SSBP2: variants seen among roughly 807,000 people sequenced by gnomAD.
SSBP2 encodes the protein single stranded DNA binding protein 2, also known as single-stranded DNA-binding protein 2.
Under a neutral mutation model 61.8 loss-of-function variants are expected in SSBP2, and 17 were observed. That is an observed-to-expected ratio of 0.28 (90% CI 0.19 to 0.41). The LOEUF (loss-of-function observed/expected upper bound fraction) is 0.41. Ranked by LOEUF, SSBP2 falls within the 10% of genes least tolerant of loss-of-function variation. The pLI, the probability that SSBP2 is intolerant of heterozygous loss-of-function variation, is 1.00. For synonymous variants in SSBP2, 139 were observed against 141.3 expected, an observed-to-expected ratio of 0.98 and a Z score of 0.12; for missense variants, 310 against 458.7, an observed-to-expected ratio of 0.68 and a Z score of 2.96.
chr5:81,595,968 C>G (rs1220408077), intron 4 of SSBP2, among the ~76,000 whole-genome samples: 1 of 152,158 alleles, frequency 6.6e-6, no homozygotes, highest in African/African-American at 2.4e-5. Flanking sequence ...CCCTCTCTCA[C>G]CACTCCTATT....
intron 4 of SSBP2, among the ~76,000 whole-genome samples, chr5:81,570,038 T>C (rs2153441927): frequency 6.6e-6 from 1 of 152,302 alleles, no homozygotes. Flanking sequence ...ATCCCATGAA[T>C]GGATAATAAA....
chr5:81,587,415 C>G lies in SSBP2; in HGVS notation c.282+28058G>C, dbSNP rs184199475. Among the ~76,000 whole-genome samples the G allele has an allele frequency of 2.4e-3, 361 of 152,200 alleles. 2 individuals are homozygous for G. Among genetic ancestry groups the G allele is most frequent in the Non-Finnish European group, 3.9e-3 (263 of 68,000 alleles). The stretch of plus-strand genomic sequence containing the variant: ...TTAGAAAAGAAGTTAAATAGGGTAT[C>G]AGTGTGTACACGTGGGGAAAAAACT... On this transcript the variant is annotated intron_variant, in intron 4 of 16. Transcript: ENST00000320672.
At chr5:81,730,968 AGT>A (rs1382422160) in intron 1 of SSBP2, among the ~76,000 whole-genome samples, 2 of 152,230 alleles carry the variant, frequency 1.3e-5, no homozygotes, top group Admixed American at 6.5e-5. Context: ...ACCATTTTTA[AGT>A]GCACAGTTCA....
intron 5 of SSBP2, among the ~76,000 whole-genome samples, chr5:81,508,111 G>C (rs1425644357): frequency 6.6e-6 from 1 of 152,082 alleles, no homozygotes; most frequent in East Asian, 1.9e-4. Context: ...CTTTGAATAA[G>C]ACAGAGATAT....
rs187200513 is a variant in SSBP2, at chr5:81,499,361, G to A, written c.373-10052C>T. Reference sequence around the variant, plus strand: ...TTTAGTCTAAGCATCAATATTGGCCGCTGATATTATGAGCTTTTTCAAGAA... The same window carrying A: ...TTTAGTCTAAGCATCAATATTGGCCACTGATATTATGAGCTTTTTCAAGAA... On this transcript the variant is annotated intron_variant, in intron 5 of 16. Coordinates refer to ENST00000320672, the MANE Select transcript of SSBP2 (RefSeq NM_012446.5). Among the ~76,000 whole-genome samples, 4 of 152,104 alleles carry A rather than the reference G, an allele frequency of 2.6e-5. No homozygotes were observed. In the South Asian group the frequency reaches 8.3e-4, roughly 32 times the overall value.
intron 4 of SSBP2, among the ~76,000 whole-genome samples, chr5:81,582,781 A>G (rs1774758330): frequency 6.6e-6 from 1 of 152,086 alleles, no homozygotes; most frequent in Admixed American, 6.5e-5. Flanking sequence ...TTTAGTAGAG[A>G]TGGGCTTTCG....
chr5:81,663,060 A>C lies in SSBP2; in HGVS notation c.63-12721T>G, dbSNP rs139248458. ...AAGGAGTAAAGATCTTACTTTACTC[A>C]ATTCTTTCTATGGTCTAGTTATCTA... On this transcript the variant is annotated intron_variant, in intron 1 of 16. Transcript: ENST00000320672. 6.7e-4 allele frequency among the ~76,000 whole-genome samples: 102 copies of C among 152,328 alleles called. 2 individuals are homozygous for C. The East Asian group carries it at 0.017, about 26-fold the overall frequency.
At chr5:81,701,140 C>T (rs1753955607) in intron 1 of SSBP2, among the ~76,000 whole-genome samples, 2 of 152,158 alleles carry the variant, frequency 1.3e-5, no homozygotes, top group South Asian at 4.1e-4. Flanking sequence ...ATGATTCTTC[C>T]TTTCACTTGA....
Position 81,417,569 on chromosome 5 carries a change from G to A in SSBP2, c.*2935C>T, listed in dbSNP as rs1188222530. ...AGGTAGTATACATCAAGACCAACAC[G>A]AATGCATTGATAAAGATGGAAAACA... On this transcript the variant is annotated 3_prime_UTR_variant, in exon 17 of 17. Transcript: ENST00000320672. 4 of 152,050 alleles carry A rather than the reference G, an allele frequency of 2.6e-5. No homozygotes were observed. The highest frequency in any genetic ancestry group is 1.3e-4 in the Admixed American group (2 of 15,254). The allele number at this position is 152,050 out of a possible 1,614,324, so 9.4% of individuals were successfully genotyped here.
chr5:81,705,122 T>C (rs1362037021), intron 1 of SSBP2, among the ~76,000 whole-genome samples: 2 of 152,142 alleles, frequency 1.3e-5, no homozygotes, highest in Non-Finnish European at 2.9e-5. Flanking sequence ...ATATATTATT[T>C]ACTCATCCAC....
At chr5:81,473,106 CA>C (rs1408347321) in intron 8 of SSBP2, among the ~76,000 whole-genome samples, 4 of 152,188 alleles carry the variant, frequency 2.6e-5, no homozygotes, top group African/African-American at 9.7e-5. Context: ...ATGAGTCTAA[CA>C]ACTATGTTAC....
intron 3 of SSBP2, among the ~76,000 whole-genome samples, chr5:81,617,815 A>C (rs1308929161): frequency 9.3e-6 from 1 of 107,342 alleles, no homozygotes; most frequent in African/African-American, 3.5e-5. Context: ...CTTAAAGAAA[A>C]GAATTTTCAA....
At chr5:81,537,083 T>C (rs943680733) in intron 4 of SSBP2, among the ~76,000 whole-genome samples, 1 of 152,140 alleles carries the variant, frequency 6.6e-6, no homozygotes, top group Non-Finnish European at 1.5e-5. Flanking sequence ...TTTGAAACAT[T>C]TAAAAATTTC....
chr5:81,432,436 T>C (rs1248080966), intron 15 of SSBP2, among the ~76,000 whole-genome samples: 1 of 152,170 alleles, frequency 6.6e-6, no homozygotes, highest in Admixed American at 6.5e-5. Flanking sequence ...AGAATTTCCT[T>C]AGCTGCTTTT....
chr5:81,542,168 T>C (rs1317748679), intron 4 of SSBP2, among the ~76,000 whole-genome samples: 1 of 152,126 alleles, frequency 6.6e-6, no homozygotes, highest in Non-Finnish European at 1.5e-5. Context: ...GAAAAAATGC[T>C]CCGCATCACT....
chr5:81,667,453 G>A (rs1224476755), intron 1 of SSBP2, among the ~76,000 whole-genome samples: 3 of 152,096 alleles, frequency 2.0e-5, no homozygotes, highest in Admixed American at 1.3e-4. Context: ...AGAGCATTCA[G>A]TAGAGACCAG....
intron 4 of SSBP2, among the ~76,000 whole-genome samples, chr5:81,543,874 TAG>T (rs1213844665): frequency 6.6e-6 from 1 of 152,216 alleles, no homozygotes; most frequent in African/African-American, 2.4e-5. Context: ...TAAGTATATC[TAG>T]AGTTTTCCAA....
chr5:81,689,789 AC>A (rs1753074317), intron 1 of SSBP2, among the ~76,000 whole-genome samples: 1 of 152,264 alleles, frequency 6.6e-6, no homozygotes, highest in East Asian at 1.9e-4. Flanking sequence ...TGGTAAGTAC[AC>A]AGAAAAACAT....
chr5:81,738,050 T>C (rs1352149364), intron 1 of SSBP2, among the ~76,000 whole-genome samples: 1 of 152,168 alleles, frequency 6.6e-6, no homozygotes, highest in Non-Finnish European at 1.5e-5. Flanking sequence ...CCAAGAAGAA[T>C]GGCTTTATCC....
Sources: allele counts gnomAD v4.1 joint callset (sites outside exome capture counted in the v4.1 genomes callset), GRCh38; gene constraint gnomAD v4.1.1; transcripts MANE v1.5; gene names NCBI Gene and HGNC (gene_info 2026-07-23, HGNC 2026-07-21).